DLGAP2: variants seen among roughly 807,000 people sequenced by gnomAD.
DLGAP2 encodes the protein disks large-associated protein 2.
In DLGAP2, 26 loss-of-function variants were observed where a neutral mutation model predicts 100.3. The observed-to-expected ratio is 0.26, with a 90% CI of 0.19 to 0.36. The LOEUF is 0.36. Among genes scored for constraint, DLGAP2 ranks in the 10% least tolerant of loss-of-function variants. The pLI is 1.00. For missense variants in DLGAP2, 1,858 were observed against 1,453.2 expected, an observed-to-expected ratio of 1.28 and a Z score of -4.53; for synonymous variants, 886 against 630.1, an observed-to-expected ratio of 1.41 and a Z score of -6.08.
chr8:1,213,775 A>G (rs1798156372), intron 2 of DLGAP2, among the ~76,000 whole-genome samples: 2 of 152,136 alleles, frequency 1.3e-5, no homozygotes, highest in African/African-American at 2.4e-5. Context: ...ACCAGCATCC[A>G]TCTTTCCAGT....
At chr8:1,626,447 G>A (rs1360013364) in intron 6 of DLGAP2, among the ~76,000 whole-genome samples, 1 of 136,148 alleles carries the variant, frequency 7.3e-6, no homozygotes, top group East Asian at 2.2e-4. Context: ...TGGGTTGGAC[G>A]GCTGTTCCCA....
At chr8:1,453,907 T>A (rs1380419392) in intron 3 of DLGAP2, among the ~76,000 whole-genome samples, 1 of 152,250 alleles carries the variant, frequency 6.6e-6, no homozygotes, top group African/African-American at 2.4e-5. Flanking sequence ...TATTTTTGTC[T>A]TTGGGGTTTT....
chr8:1,242,300 G>T (rs1221934340), intron 2 of DLGAP2, among the ~76,000 whole-genome samples: 1 of 152,168 alleles, frequency 6.6e-6, no homozygotes, highest in Non-Finnish European at 1.5e-5. Context: ...GAGGATGCAG[G>T]TGACGGGGCA....
At chr8:981,526 G>A (rs375367562) in intron 2 of DLGAP2, among the ~76,000 whole-genome samples, 7 of 152,178 alleles carry the variant, frequency 4.6e-5, no homozygotes, top group Non-Finnish European at 7.4e-5. Context: ...CAGCTGCGCC[G>A]TTTTACATTT....
chr8:1,437,675 T>C (rs1188761732), intron 3 of DLGAP2, among the ~76,000 whole-genome samples: 1 of 151,856 alleles, frequency 6.6e-6, no homozygotes, highest in African/African-American at 2.4e-5. Context: ...GTTTATACAT[T>C]AAAAATAAAT....
rs1242021203 is a variant in DLGAP2 at position 1,329,071 on chromosome 8, CGACAGGT to C, written c.106+70193_106+70199del. The stretch of plus-strand genomic sequence containing the variant: ...GATGACTTGGCTAAACTGCGACAGG[CGACAGGT>C]GACAAGCGACAAGCGACGAGTGGGA... On this transcript the variant is annotated intron_variant, in intron 3 of 14. Transcript: ENST00000637795. Among the ~76,000 whole-genome samples, 439 of 152,262 alleles carry C rather than the reference CGACAGGT, an allele frequency of 2.9e-3. 2 individuals are homozygous for C. Among genetic ancestry groups the C allele is most frequent in the African/African-American group, 9.9e-3 (411 of 41,532 alleles).
At chr8:1,572,998 C>T (rs1802800687) in intron 6 of DLGAP2, among the ~76,000 whole-genome samples, 1 of 87,536 alleles carries the variant, frequency 1.1e-5, no homozygotes. Context: ...GGAGGGGCGT[C>T]TTCTGGGATG....
chr8:746,332 T>G (rs894447688), intron 1 of DLGAP2, among the ~76,000 whole-genome samples: 1 of 152,250 alleles, frequency 6.6e-6, no homozygotes, highest in African/African-American at 2.4e-5. Flanking sequence ...CATAGAATTC[T>G]CATGCCAGCC....
chr8:1,444,139 G>A (rs1463921862), intron 3 of DLGAP2, among the ~76,000 whole-genome samples: 1 of 152,108 alleles, frequency 6.6e-6, no homozygotes, highest in Non-Finnish European at 1.5e-5. Context: ...AGGCTGGAGT[G>A]CAGTGGCGCG....
At chr8:965,980 C>G (rs1799861323) in intron 2 of DLGAP2, among the ~76,000 whole-genome samples, 1 of 152,222 alleles carries the variant, frequency 6.6e-6, no homozygotes, top group Non-Finnish European at 1.5e-5. Context: ...TTCTCCTGGG[C>G]TGGAGCCAGT....
At chr8:1,572,998 C>A (rs1802800687) in intron 6 of DLGAP2, among the ~76,000 whole-genome samples, 1 of 87,466 alleles carries the variant, frequency 1.1e-5, no homozygotes. Flanking sequence ...GGAGGGGCGT[C>A]TTCTGGGATG....
intron 2 of DLGAP2, among the ~76,000 whole-genome samples, chr8:923,335 G>A (rs1217114853): frequency 6.6e-6 from 1 of 152,244 alleles, no homozygotes; most frequent in Non-Finnish European, 1.5e-5. Context: ...TCCCATGACA[G>A]TGTCTTTCCC....
intron 3 of DLGAP2, among the ~76,000 whole-genome samples, chr8:1,337,096 G>A (rs894827646): frequency 6.6e-6 from 1 of 152,124 alleles, no homozygotes; most frequent in African/African-American, 2.4e-5. Context: ...AGGAGGAGGA[G>A]GTGAAGAAGA....
rs969606258 is a variant in DLGAP2 at position 997,875 on chromosome 8, TACAC to T, written c.73+89913_73+89916del. Among the ~76,000 whole-genome samples the T allele has an allele frequency of 1.6e-4, 24 of 151,244 alleles. No individual in the cohort carries two copies. In the South Asian group the frequency reaches 3.3e-3, roughly 21 times the overall value. On this transcript the variant is annotated intron_variant, in intron 2 of 14. Coordinates refer to ENST00000637795, the MANE Select transcript of DLGAP2 (RefSeq NM_001346810.2). The stretch of plus-strand genomic sequence containing the variant: ...ATACACACATACACACAAACACACA[TACAC>T]ACATGCATAAACACCCATGCACATG...
intron 3 of DLGAP2, among the ~76,000 whole-genome samples, chr8:1,288,190 AGTGT>A (rs1179699312): frequency 0.1 from 9,372 of 93,372 alleles, 688 homozygotes; most frequent in African/African-American, 0.24. Context: ...GTTTCGGTTG[AGTGT>A]GTGTGTGTGT....
chr8:1,067,248 G>T (rs1288879841), intron 2 of DLGAP2, among the ~76,000 whole-genome samples: 1 of 152,238 alleles, frequency 6.6e-6, no homozygotes, highest in African/African-American at 2.4e-5. Flanking sequence ...CTTCCTCCCT[G>T]TTCTTCAAGG....
At chr8:1,116,898 G>T (rs1001699370) in intron 2 of DLGAP2, among the ~76,000 whole-genome samples, 1 of 152,186 alleles carries the variant, frequency 6.6e-6, no homozygotes, top group African/African-American at 2.4e-5. Context: ...CACAGTTGAT[G>T]GGAAGACAGA....
chr8:1,650,773 C>T (rs1162878323), intron 8 of DLGAP2, among the ~76,000 whole-genome samples: 3 of 145,074 alleles, frequency 2.1e-5, no homozygotes, highest in Non-Finnish European at 4.5e-5. Context: ...GCTTGGGTGG[C>T]AGTTGCTGGA....
chr8:1,039,174 GCGTGGTCAGCTCGGTTTC>G (rs1216375651), intron 2 of DLGAP2, among the ~76,000 whole-genome samples: 434 of 77,182 alleles, frequency 5.6e-3, no homozygotes, highest in African/African-American at 0.011. Flanking sequence ...AGCTCGGTGT[GCGTGGTCAGCTCGGTTTC>G]CGTGGTCAGC....
Sources: gnomAD v4.1 joint callset for allele counts (sites outside exome capture counted in the v4.1 genomes callset) on GRCh38, gnomAD v4.1.1 for gene constraint, MANE v1.5 for transcripts, NCBI Gene and HGNC (gene_info 2026-07-23, HGNC 2026-07-21) for gene names.